Variants in UPF1 observed in about 807,000 individuals in gnomAD.
UPF1 encodes UPF1 RNA helicase and ATPase.
A neutral mutation model predicts 129.2 loss-of-function variants in UPF1; 9 were observed. The observed-to-expected ratio is 0.07, with a 90% CI of 0.04 to 0.12. UPF1 has a LOEUF of 0.12. UPF1 is among the 10% of genes least tolerant of loss of function. UPF1 has a pLI of 1.00. For synonymous variants in UPF1, 649 were observed against 644.9 expected, an observed-to-expected ratio of 1.01 and a Z score of -0.10; for missense variants, 788 against 1,525.3, an observed-to-expected ratio of 0.52 and a Z score of 8.05.
At position 18,866,041 on chromosome 19, in the gene UPF1, C is replaced by T; in HGVS notation, c.3238-3C>T. On this transcript the variant is annotated splice_polypyrimidine_tract_variant and splice_region_variant and intron_variant, in intron 22 of 23. Coordinates refer to ENST00000262803, the MANE Select transcript of UPF1 (RefSeq NM_002911.4). ...TTGCTTACCTCCTGACCTTGTCTTT[C>T]AGGACAGTTACCTTGGTGACGAGTT... 1 of 1,613,552 alleles carries T rather than the reference C, an allele frequency of 6.2e-7. No individual in the cohort carries two copies. Among genetic ancestry groups the T allele is most frequent in the Non-Finnish European group, 8.5e-7 (1 of 1,179,950 alleles).
chr19:18,842,452 G>T (rs547909609), intron 1 of UPF1, among the ~76,000 whole-genome samples: 2 of 152,240 alleles, frequency 1.3e-5, no homozygotes, highest in East Asian at 3.9e-4. Flanking sequence ...GGGAGTCGGA[G>T]TGCAGGGGGA....
intron 1 of UPF1, among the ~76,000 whole-genome samples, chr19:18,838,929 A>C (rs981432895): frequency 6.6e-6 from 1 of 151,962 alleles, no homozygotes; most frequent in Non-Finnish European, 1.5e-5. Context: ...AATTACCCGG[A>C]TTCAGGATGA....
At chr19:18,838,352 AAAG>A (rs1449762209) in intron 1 of UPF1, among the ~76,000 whole-genome samples, 3 of 152,124 alleles carry the variant, frequency 2.0e-5, no homozygotes, top group Non-Finnish European at 4.4e-5. Context: ...GTCTTAATAA[AAAG>A]AAGAAAATCC....
At position 18,865,791 on chromosome 19, in the gene UPF1, CT is replaced by C. The variant is rs774022374; in HGVS notation, c.3237+14del. 9 of 1,612,072 alleles carry C rather than the reference CT, an allele frequency of 5.6e-6. No individual in the cohort carries two copies. The highest frequency in any genetic ancestry group is 7.6e-6 in the Non-Finnish European group (9 of 1,179,918). On this transcript the variant is annotated intron_variant, in intron 22 of 23. Transcript: ENST00000262803. This position sits in a 1 kb window ranked among gnomAD's most constrained non-coding sequence, Gnocchi z 6.1. ...GGAGCTGTCCCAGGTGAGCCCGCCCCTGGGACGGGACTTACCTGAGTGAGGG... is the reference window on the plus strand; with the variant it reads ...GGAGCTGTCCCAGGTGAGCCCGCCCCGGGACGGGACTTACCTGAGTGAGGG...
At position 18,854,506 on chromosome 19, in the gene UPF1, A is replaced by G. The variant is rs576657975; in HGVS notation, c.1157-95A>G. Reference sequence around the variant, plus strand: ...AGCCAGCGGTGTCTTAAGTAACTAAATTTTAAAAACGCTGTTTAAAGAGCG... The same window carrying G: ...AGCCAGCGGTGTCTTAAGTAACTAAGTTTTAAAAACGCTGTTTAAAGAGCG... On this transcript the variant is annotated intron_variant, in intron 8 of 23. Coordinates refer to ENST00000262803, the MANE Select transcript of UPF1 (RefSeq NM_002911.4). 451 of 1,013,200 alleles carry G rather than the reference A, an allele frequency of 4.5e-4. 2 individuals are homozygous for G. In the African/African-American group the frequency reaches 6.6e-3, roughly 15 times the overall value. The allele number at this position is 1,013,200 out of a possible 1,614,324, so 62.8% of individuals were successfully genotyped here.
chr19:18,862,747 G>T (rs113385217), intron 18 of UPF1, among the ~76,000 whole-genome samples: 1,707 of 152,148 alleles, frequency 0.011, 36 homozygotes, highest in African/African-American at 0.039. Flanking sequence ...CAGGAGAATC[G>T]CTTGTACCTG....
chr19:18,845,753 G>T (rs1601103707), intron 1 of UPF1, among the ~76,000 whole-genome samples: 2 of 152,104 alleles, frequency 1.3e-5, no homozygotes, highest in East Asian at 3.9e-4. Context: ...GGCTAGGCGG[G>T]GGTTAGACCA....
In UPF1 at chr19:18,832,168, G is replaced by C; in HGVS notation, c.-42G>C. On this transcript the variant is annotated 5_prime_UTR_variant, in exon 1 of 24. Coordinates refer to ENST00000262803, the MANE Select transcript of UPF1 (RefSeq NM_002911.4). The surrounding 1 kb of genome is among the most constrained non-coding windows in gnomAD (Gnocchi z 5.6). ...GGCCTCAGCGCGGCGGCGGGCTCGA[G>C]TGCAGCGCGGAACCGGCCCGAGGGC... 1 of 1,493,560 alleles carries C rather than the reference G, an allele frequency of 6.7e-7. No individual in the cohort carries two copies. The highest frequency in any genetic ancestry group is 9.0e-7 in the Non-Finnish European group (1 of 1,115,964). The allele number at this position is 1,493,560 out of a possible 1,614,324, so 92.5% of individuals were successfully genotyped here.
chr19:18,860,666 G>A (rs2055768634), intron 16 of UPF1, among the ~76,000 whole-genome samples, 160 bp from the exon 17 acceptor site: 1 of 152,122 alleles, frequency 6.6e-6, no homozygotes, highest in Non-Finnish European at 1.5e-5. Flanking sequence ...TCTGCCCCTC[G>A]AGACTCCCCT....
intron 6 of UPF1, 92 bp downstream of exon 6, chr19:18,852,388 G>A (rs2055669218): frequency 1.3e-6 from 2 of 1,554,882 alleles, no homozygotes; most frequent in South Asian, 2.4e-5. Context: ...TCTCCAGGCT[G>A]TGGGAGCTGA....
At chr19:18,836,692 T>C (rs937013583) in intron 1 of UPF1, among the ~76,000 whole-genome samples, 13 of 152,080 alleles carry the variant, frequency 8.5e-5, no homozygotes, top group Admixed American at 4.6e-4. Context: ...TTATGGTATG[T>C]CAGTTATGCC....
At chr19:18,844,025 C>T (rs2055571050) in intron 1 of UPF1, among the ~76,000 whole-genome samples, 1 of 152,064 alleles carries the variant, frequency 6.6e-6, no homozygotes, top group Non-Finnish European at 1.5e-5. Flanking sequence ...GTGTGAGCCA[C>T]CATTCCTAGC....
At position 18,854,617 on chromosome 19, in the gene UPF1, C is replaced by T. The variant is rs574782717; in HGVS notation, c.1173C>T (p.Ile391=). ...AGCACACAGATTATGGCGATGAGAT[C>T]GCCATTGAGCTGCGGAGCAGCGTGG... ...IKVPDNYGDE[I]AIELRSSVGA... The change falls in exon 9 of 24, where the codon ATC becomes ATT. Residue 391 remains isoleucine (I), a synonymous_variant. Transcript: ENST00000262803. 27 of 1,612,640 alleles carry T rather than the reference C, an allele frequency of 1.7e-5. 2 individuals are homozygous for T. The highest frequency in any genetic ancestry group is 1.3e-4 in the African/African-American group (10 of 75,012).
chr19:18,864,842 G>A (rs1380612366), intron 20 of UPF1, among the ~76,000 whole-genome samples: 3 of 147,796 alleles, frequency 2.0e-5, no homozygotes, highest in Non-Finnish European at 4.4e-5. Flanking sequence ...GGGTTCAAGC[G>A]ATTCTCCTGC....
intron 1 of UPF1, among the ~76,000 whole-genome samples, chr19:18,843,240 C>T (rs141158916): frequency 2.3e-4 from 35 of 152,218 alleles, no homozygotes; most frequent in Non-Finnish European, 4.0e-4. Context: ...CAGGCTCCAT[C>T]TAGGTGCTGG....
At position 18,868,032 on chromosome 19, in the gene UPF1, G is replaced by C. The variant is rs933217002; in HGVS notation, c.*1515G>C. On this transcript the variant is annotated 3_prime_UTR_variant, in exon 24 of 24. Transcript: ENST00000262803. Reference sequence around the variant, plus strand: ...AGGTTTCCGCGGTGACCCCGCGGCGGCCTGAGGGACGCTCCCTGCCCCATC... The same window carrying C: ...AGGTTTCCGCGGTGACCCCGCGGCGCCCTGAGGGACGCTCCCTGCCCCATC... 1.3e-5 allele frequency: 2 copies of C among 158,608 alleles called. No homozygotes were observed. Among genetic ancestry groups the C allele is most frequent in the African/African-American group, 4.8e-5 (2 of 41,518 alleles). The allele number at this position is 158,608 out of a possible 1,614,324, so 9.8% of individuals were successfully genotyped here. A position where few individuals can be genotyped will look rare whatever the true frequency, so the allele number is the denominator to read the frequency against.
intron 3 of UPF1, 199 bp from the exon 4 acceptor site, chr19:18,849,876 A>G: frequency 1.6e-6 from 1 of 619,522 alleles, no homozygotes; most frequent in South Asian, 2.0e-5. Context: ...AAAGTGGTTC[A>G]AGTTGGGATT....
At chr19:18,852,336 G>C in intron 6 of UPF1, 40 bp downstream of exon 6, 1 of 1,604,766 alleles carries the variant, frequency 6.2e-7, no homozygotes, top group Non-Finnish European at 8.5e-7. Flanking sequence ...GTGGGCTCTG[G>C]CTCTCACAGC....
intron 11 of UPF1, chr19:18,855,492 G>A (rs1336600848): frequency 1.9e-5 from 11 of 578,818 alleles, no homozygotes; most frequent in Middle Eastern, 4.6e-4. Flanking sequence ...CTGCAGCAGC[G>A]TGAGTTCCGT....
Sources: allele counts gnomAD v4.1 joint callset (sites outside exome capture counted in the v4.1 genomes callset), GRCh38; gene constraint gnomAD v4.1.1; non-coding constraint Gnocchi (gnomAD v3.1); transcripts MANE v1.5; gene names NCBI Gene and HGNC (gene_info 2026-07-23, HGNC 2026-07-21).